Variants in CTNNA3 observed in about 807,000 individuals in gnomAD.
CTNNA3 encodes the protein catenin alpha-3.
In CTNNA3, 76 loss-of-function variants were observed where a neutral mutation model predicts 95.7. The observed-to-expected ratio is 0.79, with a 90% CI of 0.66 to 0.96. CTNNA3 has a LOEUF of 0.96. Ranked by LOEUF, CTNNA3 falls within the 40% of genes least tolerant of loss-of-function variation. The probability of loss-of-function intolerance (pLI) is 0.00; values close to 1 mark genes in which losing one functional copy is unlikely to be tolerated. For synonymous variants in CTNNA3, 431 were observed against 374.4 expected (o/e 1.15, Z -1.74); for missense variants, 1,191 against 1,089.8 (o/e 1.09, Z -1.31).
intron 9 of CTNNA3, among the ~76,000 whole-genome samples, chr10:66,667,433 A>C (rs7901234): frequency 0.66 from 100,043 of 151,730 alleles, 33,844 homozygotes; most frequent in East Asian, 0.95. Flanking sequence ...CCCGCACACA[A>C]CTTTTCCATT....
chr10:66,506,551 A>G (rs1210782233), intron 11 of CTNNA3, among the ~76,000 whole-genome samples: 1 of 152,200 alleles, frequency 6.6e-6, no homozygotes, highest in Non-Finnish European at 1.5e-5. Flanking sequence ...CTGACAGTAC[A>G]GCAGCATTAA....
chr10:66,201,185 G>C (rs559613683), intron 13 of CTNNA3, among the ~76,000 whole-genome samples: 1 of 152,218 alleles, frequency 6.6e-6, no homozygotes, highest in East Asian at 1.9e-4. Flanking sequence ...AATTCTGACT[G>C]TTCTTTACTC....
intron 7 of CTNNA3, among the ~76,000 whole-genome samples, chr10:66,955,335 G>C (rs939769230): frequency 6.6e-6 from 1 of 152,084 alleles, no homozygotes; most frequent in Admixed American, 6.6e-5. Context: ...ATCAATTACT[G>C]ATTACTCACT....
At chr10:67,621,353 C>T (rs1329066151) in intron 2 of CTNNA3, among the ~76,000 whole-genome samples, 1 of 152,158 alleles carries the variant, frequency 6.6e-6, no homozygotes, top group African/African-American at 2.4e-5. Flanking sequence ...CCACAAACCA[C>T]TCCATCATAC....
At chr10:67,628,401 T>C (rs2133428948) in intron 2 of CTNNA3, among the ~76,000 whole-genome samples, 1 of 152,226 alleles carries the variant, frequency 6.6e-6, no homozygotes. Flanking sequence ...ACCAGCTAAA[T>C]GAATGACTTT....
chr10:66,641,701 G>A (rs1489673193), intron 9 of CTNNA3, among the ~76,000 whole-genome samples: 2 of 152,056 alleles, frequency 1.3e-5, no homozygotes, highest in African/African-American at 4.8e-5. Context: ...CTTAATATTA[G>A]TTTGTCAGGT....
chr10:67,005,864 T>G (rs968884651), intron 7 of CTNNA3, among the ~76,000 whole-genome samples: 2 of 151,560 alleles, frequency 1.3e-5, no homozygotes, highest in African/African-American at 4.8e-5. Flanking sequence ...TTTTCTATTT[T>G]TAGTAGAGGC....
At chr10:66,872,845 C>T (rs1038062534) in intron 7 of CTNNA3, among the ~76,000 whole-genome samples, 9 of 152,022 alleles carry the variant, frequency 5.9e-5, no homozygotes, top group African/African-American at 2.2e-4. Context: ...TACTCCCCTC[C>T]TTCCCTTCCC....
rs148487663 is a variant in CTNNA3, at chr10:66,924,316, A to T, written c.1048-148792T>A. 5.4e-3 allele frequency among the ~76,000 whole-genome samples: 823 copies of T among 152,296 alleles called. 6 individuals are homozygous for T. Among genetic ancestry groups the T allele is most frequent in the Non-Finnish European group, 8.2e-3 (558 of 68,024 alleles). ...TTGTCATTACTAGCCTTTATCAAAC[A>T]TCTCATCCTTGGAGAATGTGAAAGC... is the stretch of plus-strand genomic sequence containing the variant. On this transcript the variant is annotated intron_variant, in intron 7 of 17. Transcript: ENST00000433211.
chr10:66,858,392 T>C (rs1288573727), intron 7 of CTNNA3, among the ~76,000 whole-genome samples: 1 of 152,088 alleles, frequency 6.6e-6, no homozygotes, highest in Non-Finnish European at 1.5e-5. Flanking sequence ...CAGGTTTTGG[T>C]ACCAGGATGA....
At chr10:67,580,687 T>C (rs376799368) in intron 3 of CTNNA3, among the ~76,000 whole-genome samples, 1 of 151,662 alleles carries the variant, frequency 6.6e-6, no homozygotes, top group African/African-American at 2.4e-5. Flanking sequence ...TTCCTACCCA[T>C]GAGCATGGAA....
intron 5 of CTNNA3, among the ~76,000 whole-genome samples, chr10:67,396,874 C>A (rs1844725606): frequency 6.6e-6 from 1 of 152,042 alleles, no homozygotes; most frequent in South Asian, 2.1e-4. Flanking sequence ...AAGGGGCTTT[C>A]CCCCGTTTTG....
intron 7 of CTNNA3, among the ~76,000 whole-genome samples, chr10:66,951,331 G>T (rs1443803435): frequency 1.3e-5 from 2 of 152,046 alleles, no homozygotes; most frequent in East Asian, 1.9e-4. Context: ...GGCCAGGCTG[G>T]TCTCAAACTC....
intron 17 of CTNNA3, 110 bp downstream of exon 17, chr10:65,966,502 T>C (rs1163808285): frequency 2.2e-6 from 2 of 928,888 alleles, no homozygotes; most frequent in Non-Finnish European, 3.0e-6. Context: ...TCCAATTTAG[T>C]TTTTCTAAAC....
chr10:67,590,347 A>G (rs560233050), intron 3 of CTNNA3, among the ~76,000 whole-genome samples: 2 of 152,110 alleles, frequency 1.3e-5, no homozygotes, highest in Admixed American at 6.5e-5. Context: ...CATCTCATCA[A>G]GTACCTATCT....
At chr10:66,335,221 C>G (rs186750627) in intron 12 of CTNNA3, among the ~76,000 whole-genome samples, 8 of 152,248 alleles carry the variant, frequency 5.3e-5, no homozygotes, top group Admixed American at 3.3e-4. Flanking sequence ...AAGCTGTCTT[C>G]TCTCAACTCG....
chr10:66,656,089 A>G (rs1846065843), intron 9 of CTNNA3, among the ~76,000 whole-genome samples: 1 of 152,142 alleles, frequency 6.6e-6, no homozygotes, highest in Non-Finnish European at 1.5e-5. Flanking sequence ...TGTTCTAATG[A>G]GAAAACCACA....
At chr10:67,359,537 C>A (rs1209139194) in intron 5 of CTNNA3, among the ~76,000 whole-genome samples, 6 of 152,048 alleles carry the variant, frequency 3.9e-5, no homozygotes, top group Non-Finnish European at 5.9e-5. Context: ...AAGAAAGAAC[C>A]AAACTGAACT....
At chr10:66,768,437 A>G (rs908264702) in intron 8 of CTNNA3, among the ~76,000 whole-genome samples, 3 of 152,160 alleles carry the variant, frequency 2.0e-5, no homozygotes, top group Non-Finnish European at 4.4e-5. Flanking sequence ...AGTAGGGCCT[A>G]AAAAGAGACT....
Sources: allele counts gnomAD v4.1 joint callset (sites outside exome capture counted in the v4.1 genomes callset), GRCh38; gene constraint gnomAD v4.1.1; transcripts MANE v1.5; gene names NCBI Gene and HGNC (gene_info 2026-07-23, HGNC 2026-07-21).